The following FBXO38 variants were observed in gnomAD, a reference collection of about 807,000 sequenced individuals.
FBXO38 encodes the protein F-box only protein 38.
FBXO38 carries 53 observed loss-of-function variants against 131.9 expected under a neutral mutation model. The ratio of observed to expected loss-of-function variants is 0.40; its 90% CI spans 0.32 to 0.51. The LOEUF (loss-of-function observed/expected upper bound fraction) is 0.51. Among genes scored for constraint, FBXO38 ranks in the 20% least tolerant of loss-of-function variants. The pLI is 0.53. For synonymous variants in FBXO38, 452 were observed against 505.6 expected, an observed-to-expected ratio of 0.89 and a Z score of 1.42; for missense variants, 1,076 against 1,475.6, an observed-to-expected ratio of 0.73 and a Z score of 4.44.
At chr5:148,432,799 A>G (rs1222553602) in intron 15 of FBXO38, among the ~76,000 whole-genome samples, 1 of 152,236 alleles carries the variant, frequency 6.6e-6, no homozygotes, top group African/African-American at 2.4e-5. Context: ...ATGTGAATGG[A>G]CCAACAAAAC....
At chr5:148,441,017 G>T in intron 20 of FBXO38, 107 bp from the exon 21 acceptor site, 2 of 768,836 alleles carry the variant, frequency 2.6e-6, no homozygotes, top group Non-Finnish European at 2.3e-6. Context: ...GAGGACACCT[G>T]ACTCACTCTC....
intron 15 of FBXO38, among the ~76,000 whole-genome samples, chr5:148,429,533 A>G (rs961567817): frequency 1.3e-5 from 2 of 152,162 alleles, no homozygotes; most frequent in African/African-American, 4.8e-5. Context: ...TTGACTAGCC[A>G]TGCATTTGCC....
rs752626585 is a variant in FBXO38, at chr5:148,394,844, C to G, written c.68C>G (p.Ala23Gly). 3 of 1,601,820 alleles carry G rather than the reference C, an allele frequency of 1.9e-6. No individual in the cohort carries two copies. In the Admixed American group the frequency reaches 5.2e-5, roughly 28 times the overall value. Residue 23 changes from alanine (A) to glycine (G), a missense_variant, in exon 2 of 22, where the codon GCA (alanine) becomes GGA (glycine). Around this residue, in one of 8 missense-constraint regions of FBXO38, gnomAD observed 58 missense variants for 53.1 expected, o/e 1.09. Transcript: ENST00000340253. The part of the protein sequence containing the change: ...MNNEIPEEMT[A>G]DETKDYMNQL... Reference sequence around the variant, plus strand: ...AATGAAATTCCAGAAGAAATGACAGCAGATGAAACAAAGGACTATATGAAT... The same window carrying G: ...AATGAAATTCCAGAAGAAATGACAGGAGATGAAACAAAGGACTATATGAAT...
At position 148,423,990 on chromosome 5, in the gene FBXO38, C is replaced by T. The variant is rs774304267; in HGVS notation, c.1619-8C>T. 13 of 1,605,576 alleles carry T rather than the reference C, an allele frequency of 8.1e-6. No homozygotes were observed. The highest frequency in any genetic ancestry group is 4.5e-5 in the East Asian group (2 of 44,792). ...TTGGTTTTTACTTTGTGTATATTTT[C>T]GTTGAAGCATTAAATGAGATGGAAG... On this transcript the variant is annotated splice_polypyrimidine_tract_variant and splice_region_variant and intron_variant, in intron 12 of 21. Coordinates refer to ENST00000340253, the MANE Select transcript of FBXO38 (RefSeq NM_205836.3).
chr5:148,417,531 T>C (rs1753132480), intron 12 of FBXO38, among the ~76,000 whole-genome samples: 1 of 152,176 alleles, frequency 6.6e-6, no homozygotes, highest in African/African-American at 2.4e-5. Flanking sequence ...TATTGTCTCC[T>C]AGACCAATGG....
chr5:148,398,758 G>T (rs373092306), intron 2 of FBXO38, among the ~76,000 whole-genome samples: 2 of 151,768 alleles, frequency 1.3e-5, no homozygotes, highest in South Asian at 4.2e-4. Context: ...AAGAAGAAAG[G>T]CAGGTTTTAT....
At chr5:148,402,924 G>A (rs1413671110) in intron 5 of FBXO38, among the ~76,000 whole-genome samples, 1 of 152,030 alleles carries the variant, frequency 6.6e-6, no homozygotes, top group African/African-American at 2.4e-5. Context: ...GAGAGTATAT[G>A]TGTTTTAAGC....
Position 148,402,366 on chromosome 5 carries a change from T to C in FBXO38, c.445T>C (p.Leu149=), listed in dbSNP as rs1287799994. The C allele has an allele frequency of 6.2e-7, 1 of 1,604,188 alleles. No homozygotes were observed. Among genetic ancestry groups the C allele is most frequent in the East Asian group, 2.2e-5 (1 of 44,690 alleles). ...TTTCTAGGGTGTGGAAACTTCTCATTTGGAGTTGGTAGAATCCATTTGGAC... is the reference window on the plus strand; with the variant it reads ...TTTCTAGGGTGTGGAAACTTCTCATCTGGAGTTGGTAGAATCCATTTGGAC... ...PNLVGVETSH[L]ELVESIWTYM... The change falls in exon 5 of 22, where the codon TTG becomes CTG. Residue 149 remains leucine (L), a synonymous_variant. Coordinates refer to ENST00000340253, the MANE Select transcript of FBXO38 (RefSeq NM_205836.3).
At chr5:148,399,438 C>CA (rs1752015125) in intron 3 of FBXO38, 1 of 258,450 alleles carries the variant, frequency 3.9e-6, no homozygotes, top group South Asian at 6.8e-5. Context: ...TCACATTAGA[C>CA]ACTGTGTGTC....
chr5:148,400,741 A>G (rs1752102010), intron 3 of FBXO38, among the ~76,000 whole-genome samples: 1 of 152,162 alleles, frequency 6.6e-6, no homozygotes, highest in South Asian at 2.1e-4. Flanking sequence ...GTGGGAGGCA[A>G]CATGTATGAC....
At chr5:148,410,903 T>G in intron 9 of FBXO38, 138 bp downstream of exon 9, 1 of 715,018 alleles carries the variant, frequency 1.4e-6, no homozygotes, top group Non-Finnish European at 2.2e-6. Flanking sequence ...TCTTGAAAAA[T>G]AAACTTTTAA....
intron 17 of FBXO38, among the ~76,000 whole-genome samples, chr5:148,436,564 C>T (rs532546910): frequency 7.9e-4 from 118 of 150,190 alleles, no homozygotes; most frequent in Non-Finnish European, 1.4e-3. Context: ...GATAAAGGTT[C>T]GTCAACCTGT....
At chr5:148,438,215 G>A in intron 17 of FBXO38, 117 bp from the exon 18 acceptor site, 5 of 847,690 alleles carry the variant, frequency 5.9e-6, no homozygotes, top group Non-Finnish European at 8.9e-6. Flanking sequence ...TGTACTCTAT[G>A]ATATTATTTG....
intron 9 of FBXO38, 165 bp downstream of exon 9, chr5:148,410,930 A>AT (rs958234278): frequency 6.9e-4 from 421 of 607,292 alleles, no homozygotes; most frequent in South Asian, 1.2e-3. Context: ...AATGTCAGTG[A>AT]TTTTTTTTTC....
chr5:148,419,945 TCA>T (rs1413800178), intron 12 of FBXO38, among the ~76,000 whole-genome samples: 1 of 152,134 alleles, frequency 6.6e-6, no homozygotes, highest in African/African-American at 2.4e-5. Flanking sequence ...ATTTTTTGTT[TCA>T]CAGTTACTAT....
At chr5:148,436,820 A>G (rs1479333081) in intron 17 of FBXO38, among the ~76,000 whole-genome samples, 1 of 152,180 alleles carries the variant, frequency 6.6e-6, no homozygotes, top group Non-Finnish European at 1.5e-5. Context: ...TATCCCAGCC[A>G]ATGTGGTCTT....
At chr5:148,422,114 A>G (rs1000318411) in intron 12 of FBXO38, among the ~76,000 whole-genome samples, 2 of 151,962 alleles carry the variant, frequency 1.3e-5, no homozygotes, top group African/African-American at 4.8e-5. Context: ...CCCAGCTAAA[A>G]TTAGTTCTTA....
At chr5:148,441,419 C>T (rs915990161) in intron 21 of FBXO38, 182 bp downstream of exon 21, 2 of 532,112 alleles carry the variant, frequency 3.8e-6, no homozygotes, top group African/African-American at 2.0e-5. Context: ...AGTGGACTTA[C>T]TAGGGATATA....
chr5:148,420,500 G>A (rs1753348620), intron 12 of FBXO38, among the ~76,000 whole-genome samples: 1 of 152,160 alleles, frequency 6.6e-6, no homozygotes. Flanking sequence ...AATTGCTAAA[G>A]CATAGTGTCT....
Sources: allele counts gnomAD v4.1 joint callset (sites outside exome capture counted in the v4.1 genomes callset), GRCh38; gene constraint gnomAD v4.1.1; regional missense constraint gnomAD v4.1.1; transcripts MANE v1.5; gene names NCBI Gene and HGNC (gene_info 2026-07-23, HGNC 2026-07-21).